Variants in MLPH observed in about 807,000 individuals in gnomAD.
The protein encoded by MLPH is melanophilin, also known as exophilin-3.
Under a neutral mutation model 72.1 loss-of-function variants are expected in MLPH, and 51 were observed. The ratio of observed to expected loss-of-function variants is 0.71; its 90% CI spans 0.56 to 0.89. MLPH has a LOEUF of 0.89. Among genes scored for constraint, MLPH ranks in the 40% least tolerant of loss-of-function variants. The pLI is 0.00. For synonymous variants in MLPH, 301 were observed against 310.1 expected (o/e 0.97, Z 0.31); for missense variants, 743 against 759.9 (o/e 0.98, Z 0.26).
At position 237,511,067 on chromosome 2, in the gene MLPH, C is replaced by T. The variant is rs1184127853; in HGVS notation, c.411C>T (p.Val137=). The T allele has an allele frequency of 6.2e-7, 1 of 1,613,918 alleles. No individual in the cohort carries two copies. Among genetic ancestry groups the T allele is most frequent in the East Asian group, 2.2e-5 (1 of 44,870 alleles). ...TCAAGAGGTTCGGAAGTGCCAAGGT[C>T]ATCCGGTCCCTCCACGGGCGGCTGC... ...ARFKRFGSAK[V]IRSLHGRLQG... The change falls in exon 4 of 16, where the codon GTC becomes GTT. Residue 137 remains valine, a synonymous_variant. Coordinates refer to ENST00000264605, the MANE Select transcript of MLPH (RefSeq NM_024101.7).
chr2:237,507,513 A>T (rs569342570), intron 2 of MLPH: 3 of 152,216 alleles, frequency 2.0e-5, no homozygotes, highest in Non-Finnish European at 4.4e-5. Context: ...AACACCATGC[A>T]TTAATCATTT....
intron 9 of MLPH, among the ~76,000 whole-genome samples, chr2:237,539,465 C>T (rs2080619381): frequency 6.6e-6 from 1 of 152,208 alleles, no homozygotes; most frequent in Non-Finnish European, 1.5e-5. Context: ...GTGACACTTT[C>T]AATCTCATCG....
At chr2:237,489,674 T>C (rs2079389523) in intron 1 of MLPH, among the ~76,000 whole-genome samples, 1 of 152,200 alleles carries the variant, frequency 6.6e-6, no homozygotes, top group South Asian at 2.1e-4. Flanking sequence ...GCATTCCTGC[T>C]GTTGTTAGCT....
At chr2:237,542,683 G>A (rs1488735662) in intron 12 of MLPH, 24 bp downstream of exon 12, 1 of 1,507,996 alleles carries the variant, frequency 6.6e-7, no homozygotes, top group Non-Finnish European at 9.0e-7. Flanking sequence ...AGTGGTGAGT[G>A]GAGACAGTGC....
In MLPH at chr2:237,516,721, A is replaced by G. The variant is rs538478739; in HGVS notation, c.446-1818A>G. Among the ~76,000 whole-genome samples the G allele has an allele frequency of 2.6e-5, 4 of 152,334 alleles. No homozygotes were observed. The East Asian group carries it at 7.7e-4, about 29-fold the overall frequency. On this transcript the variant is annotated intron_variant, in intron 4 of 15. Transcript: ENST00000264605. ...TTGGATAGGTATACGAAAGGCCAGC[A>G]GAGAGCCTTCGCTGGATGTTTCTCA...
At chr2:237,547,943 A>G (rs572272385) in intron 13 of MLPH, among the ~76,000 whole-genome samples, 1 of 152,166 alleles carries the variant, frequency 6.6e-6, no homozygotes, top group Non-Finnish European at 1.5e-5. Context: ...CCTTACCTGC[A>G]GCCCAGCGCA....
At position 237,542,514 on chromosome 2, in the gene MLPH, G is replaced by A. The variant is rs900864108; in HGVS notation, c.1447-53G>A. On this transcript the variant is annotated intron_variant, in intron 11 of 15. Transcript: ENST00000264605. ...TGCTCTTTCTGTCCATGACTTTGAG[G>A]CGGGATCTCGAGCGTCTGTCTGACG... The A allele has an allele frequency of 2.1e-6, 3 of 1,417,918 alleles. No homozygotes were observed. The Admixed American group carries it at 5.9e-5, about 28-fold the overall frequency. The allele number at this position is 1,417,918 out of a possible 1,614,324, so 87.8% of individuals were successfully genotyped here.
rs1559384267 is a variant in MLPH at position 237,553,669 on chromosome 2, G to A, written c.*77G>A. On this transcript the variant is annotated 3_prime_UTR_variant, in exon 16 of 16. Transcript: ENST00000264605. ...AGCCATCCTGTCCCTCATTGGCTCT[G>A]TGCTTTCCACTATACACAGTCACCG... 3.1e-6 allele frequency: 5 copies of A among 1,594,978 alleles called. No homozygotes were observed. The highest frequency in any genetic ancestry group is 3.4e-6 in the Non-Finnish European group (4 of 1,162,388).
chr2:237,507,768 G>A (rs139702335), intron 2 of MLPH, among the ~76,000 whole-genome samples: 2 of 152,296 alleles, frequency 1.3e-5, no homozygotes, highest in East Asian at 3.9e-4. Context: ...AATAAATACT[G>A]TCACTTCTTT....
rs557245920 is a variant in MLPH at position 237,507,024 on chromosome 2, T to A, written c.111-3550T>A. On this transcript the variant is annotated intron_variant, in intron 2 of 15. Coordinates refer to ENST00000264605, the MANE Select transcript of MLPH (RefSeq NM_024101.7). ...TTGTTACAACATGAAAACCCGGCAG[T>A]TGGAGTTGGTAGTTTTTTTCCTTTT... Among the ~76,000 whole-genome samples the A allele has an allele frequency of 2.4e-4, 37 of 152,020 alleles. No individual in the cohort carries two copies. In the South Asian group the frequency reaches 7.5e-3, roughly 31 times the overall value.
At position 237,554,827 on chromosome 2, in the gene MLPH, T is replaced by A. The variant is rs561178608; in HGVS notation, c.*1235T>A. On this transcript the variant is annotated 3_prime_UTR_variant, in exon 16 of 16. Transcript: ENST00000264605. ...TAAAACTAAGGTTTGAATCTCAAAG[T>A]GTTGCTGGGAGGCTGATACTCCTGC... The A allele has an allele frequency of 6.6e-6, 1 of 152,242 alleles. No homozygotes were observed. Among genetic ancestry groups the A allele is most frequent in the African/African-American group, 2.4e-5 (1 of 41,468 alleles). 9.4% of individuals were successfully genotyped at this position (152,242 alleles called of 1,614,324 possible).
chr2:237,527,619 C>T (rs999982501), intron 8 of MLPH, 103 bp downstream of exon 8: 4 of 1,449,514 alleles, frequency 2.8e-6, no homozygotes, highest in African/African-American at 1.4e-5. Context: ...TTAATACTTT[C>T]AAACTATGAA....
intron 13 of MLPH, among the ~76,000 whole-genome samples, chr2:237,548,567 G>C (rs2080966050): frequency 6.6e-6 from 1 of 152,194 alleles, no homozygotes; most frequent in Admixed American, 6.5e-5. Flanking sequence ...CCGAGGTTCA[G>C]AGAGGGTAAG....
Position 237,510,850 on chromosome 2 carries a change from C to T in MLPH, c.332+55C>T, listed in dbSNP as rs896274564. Reference sequence around the variant, plus strand: ...TTGATAGTTTCTGGATCTGGCGTGTCCCTTCCATGGGGCTAGCTGAAGAAG... The same window carrying T: ...TTGATAGTTTCTGGATCTGGCGTGTTCCTTCCATGGGGCTAGCTGAAGAAG... On this transcript the variant is annotated intron_variant, in intron 3 of 15. Coordinates refer to ENST00000264605, the MANE Select transcript of MLPH (RefSeq NM_024101.7). This position sits in a 1 kb window ranked among gnomAD's most constrained non-coding sequence, Gnocchi z 4.4. 3.7e-5 allele frequency: 60 copies of T among 1,600,312 alleles called. 1 individual carries two copies. The South Asian group carries it at 6.0e-4, about 16-fold the overall frequency.
intron 14 of MLPH, among the ~76,000 whole-genome samples, chr2:237,550,780 G>A (rs536990698): frequency 6.0e-4 from 92 of 152,234 alleles, no homozygotes; most frequent in African/African-American, 1.8e-3. Flanking sequence ...AACTCCTGAC[G>A]TCAGATGATC....
At chr2:237,549,393 C>A in intron 14 of MLPH, 115 bp downstream of exon 14, 1 of 1,041,810 alleles carries the variant, frequency 9.6e-7, no homozygotes, top group South Asian at 1.3e-5. Flanking sequence ...TATCTCATGT[C>A]CTGACTCCCA....
At chr2:237,501,664 TAAAAAAAAA>T (rs58268748) in intron 2 of MLPH, among the ~76,000 whole-genome samples, 2 of 63,552 alleles carry the variant, frequency 3.1e-5, no homozygotes, top group African/African-American at 1.1e-4. Context: ...ACGTCTCTAC[TAAAAAAAAA>T]AAAAAAAAAA....
chr2:237,545,607 C>T (rs899259369), intron 12 of MLPH: 18 of 1,286,912 alleles, frequency 1.4e-5, no homozygotes, highest in East Asian at 5.5e-5. Context: ...GTGACTAGAA[C>T]GGAGGGCGCG....
intron 2 of MLPH, among the ~76,000 whole-genome samples, chr2:237,501,664 T>TAAAAAAAAAAAA (rs58268748): frequency 5.0e-4 from 32 of 63,542 alleles, no homozygotes; most frequent in Non-Finnish European, 7.4e-4. Context: ...ACGTCTCTAC[T>TAAAAAAAAAAAA]AAAAAAAAAA....
Sources: allele counts gnomAD v4.1 joint callset (sites outside exome capture counted in the v4.1 genomes callset), GRCh38; gene constraint gnomAD v4.1.1; non-coding constraint Gnocchi (gnomAD v3.1); transcripts MANE v1.5; gene names NCBI Gene and HGNC (gene_info 2026-07-23, HGNC 2026-07-21).